The following GZF1 variants were observed in gnomAD, a reference collection of about 807,000 sequenced individuals.
The protein encoded by GZF1 is GDNF-inducible zinc finger protein 1.
Under a neutral mutation model 49.4 loss-of-function variants are expected in GZF1, and 28 were observed. The ratio of observed to expected loss-of-function variants is 0.57; its 90% CI spans 0.42 to 0.78. The LOEUF is 0.78. Among genes scored for constraint, GZF1 ranks in the 30% least tolerant of loss-of-function variants. The pLI, the probability that GZF1 is intolerant of heterozygous loss-of-function variation, is 0.00. For synonymous variants in GZF1, 364 were observed against 356.0 expected, an observed-to-expected ratio of 1.02 and a Z score of -0.25; for missense variants, 798 against 916.2, an observed-to-expected ratio of 0.87 and a Z score of 1.67.
Position 23,368,752 on chromosome 20 carries a change from T to C in GZF1, c.1460-10T>C. 1 of 1,595,194 alleles carries C rather than the reference T, an allele frequency of 6.3e-7. No individual in the cohort carries two copies. The highest frequency in any genetic ancestry group is 2.2e-5 in the East Asian group (1 of 44,516). ...TATTGTTTATGACTTTATTTCATTT[T>C]CTCATGTAGGTGAAAGACCTTTTAT... On this transcript the variant is annotated splice_polypyrimidine_tract_variant and intron_variant, in intron 3 of 5. Transcript: ENST00000338121.
In GZF1 at chr20:23,365,097, G is replaced by C. The variant is rs763013623; in HGVS notation, c.714G>C (p.Lys238Asn). The change falls in exon 2 of 6, where the codon AAG becomes AAC. Residue 238 changes from lysine to asparagine, a missense_variant. This residue lies in a region of GZF1 where 247 missense variants were observed against 228.5 expected (regional missense o/e 1.08). Coordinates refer to ENST00000338121, the MANE Select transcript of GZF1 (RefSeq NM_022482.5). ...GRKVFVEIPK[K>N]KYTRRLREQQ... Reference sequence around the variant, plus strand: ...AGGTCTTTGTGGAGATCCCTAAAAAGAAATATACGAGAAGACTCCGAGAGC... The same window carrying C: ...AGGTCTTTGTGGAGATCCCTAAAAACAAATATACGAGAAGACTCCGAGAGC... 2 of 1,614,008 alleles carry C rather than the reference G, an allele frequency of 1.2e-6. No individual in the cohort carries two copies. Among genetic ancestry groups the C allele is most frequent in the Non-Finnish European group, 8.5e-7 (1 of 1,180,032 alleles).
rs372760791 is a variant in GZF1, at chr20:23,364,510, C to T, written c.127C>T (p.Arg43Cys). ...VTVSVEYQGV[R>C]KDFMAHKAVL... ...AGTCAGCGTGGAGTATCAGGGTGTC[C>T]GCAAAGACTTCATGGCCCACAAGGC... Residue 43 changes from arginine (R) to cysteine (C), a missense_variant, in exon 2 of 6, where the codon CGC becomes TGC. Coordinates refer to ENST00000338121, the MANE Select transcript of GZF1 (RefSeq NM_022482.5). The T allele has an allele frequency of 3.1e-5, 50 of 1,614,054 alleles. No individual in the cohort carries two copies. The highest frequency in any genetic ancestry group is 2.5e-4 in the Admixed American group (15 of 60,002).
Position 23,370,475 on chromosome 20 carries a change from G to A in GZF1, c.*34G>A, listed in dbSNP as rs45627531. The A allele has an allele frequency of 3.4e-3, 4,531 of 1,327,720 alleles. 15 individuals are homozygous for A. The highest frequency in any genetic ancestry group is 4.3e-3 in the Non-Finnish European group (3,978 of 929,870). The allele number at this position is 1,327,720 out of a possible 1,614,324, so 82.2% of individuals were successfully genotyped here. The stretch of plus-strand genomic sequence containing the variant: ...AGCAGTTCCCATCCTGTTAGTCTGC[G>A]TGTGTGGTAGCTGAACTCAAGATGA... On this transcript the variant is annotated 3_prime_UTR_variant, in exon 6 of 6. Coordinates refer to ENST00000338121, the MANE Select transcript of GZF1 (RefSeq NM_022482.5).
In GZF1 at chr20:23,368,802, T is replaced by G. The variant is rs1981712112; in HGVS notation, c.1500T>G (p.Phe500Leu). ...TGTGTGAAACATGTGGCAAGAGTTT[T>G]GCTTCTAAGGAGTACTTAAAACACC... ...PFMCETCGKS[F>L]ASKEYLKHHN... The change falls in exon 4 of 6, where the codon TTT becomes TTG. Residue 500 changes from phenylalanine to leucine, a missense_variant. Physicochemically the swap from Phe to Leu is conservative, Grantham distance 22. Coordinates refer to ENST00000338121, the MANE Select transcript of GZF1 (RefSeq NM_022482.5). 1 of 1,611,478 alleles carries G rather than the reference T, an allele frequency of 6.2e-7. No homozygotes were observed. Among genetic ancestry groups the G allele is most frequent in the South Asian group, 1.1e-5 (1 of 90,352 alleles).
At chr20:23,369,485 C>A in intron 4 of GZF1, 99 bp from the exon 5 acceptor site, 2 of 1,089,598 alleles carry the variant, frequency 1.8e-6, no homozygotes, top group Non-Finnish European at 2.6e-6. Flanking sequence ...TGAGGCTTCC[C>A]AGTGGTTTGC....
rs766007426 is a variant in GZF1 at position 23,365,304 on chromosome 20, C to T, written c.921C>T (p.Asp307=). The change falls in exon 2 of 6, where the codon GAC becomes GAT. Residue 307 remains aspartate (D), a synonymous_variant. Coordinates refer to ENST00000338121, the MANE Select transcript of GZF1 (RefSeq NM_022482.5). ...AGGAAGAGGAGGAGGAGGAGGAGGA[C>T]GAAGAAGGGGAGAAGAAGAAGAGCA... The part of the protein sequence containing the change: ...PEEEEEEEEE[D]EEGEKKKSNF... The T allele has an allele frequency of 4.9e-5, 79 of 1,605,870 alleles. No homozygotes were observed. The highest frequency in any genetic ancestry group is 6.6e-5 in the Non-Finnish European group (78 of 1,175,102).
In GZF1 at chr20:23,370,189, G is replaced by T. The variant is rs1981926587; in HGVS notation, c.1884G>T (p.Glu628Asp). Reference protein sequence around the residue: ...DGHKTEQPDEEYVSSKLSDKL... With the variant: ...DGHKTEQPDEDYVSSKLSDKL... ...ACAAGACTGAACAGCCTGACGAAGAGTATGTGTCATCCAAGCTTTCGGATA... is the reference window on the plus strand; with the variant it reads ...ACAAGACTGAACAGCCTGACGAAGATTATGTGTCATCCAAGCTTTCGGATA... The change falls in exon 6 of 6, where the codon GAG becomes GAT. Residue 628 changes from glutamate to aspartate, a missense_variant. By Grantham distance (45) the Glu-to-Asp change is conservative. This residue lies in a region of GZF1 where 446 missense variants were observed against 540.1 expected (regional missense o/e 0.83). Coordinates refer to ENST00000338121, the MANE Select transcript of GZF1 (RefSeq NM_022482.5). 6.2e-7 allele frequency: 1 copy of T among 1,614,212 alleles called. No individual in the cohort carries two copies. The highest frequency in any genetic ancestry group is 8.5e-7 in the Non-Finnish European group (1 of 1,180,042).
upstream of GZF1, among the ~76,000 whole-genome samples, chr20:23,362,021 C>G (rs1457274824): frequency 6.6e-6 from 1 of 152,196 alleles, no homozygotes; most frequent in Non-Finnish European, 1.5e-5. Flanking sequence ...GTCGCGCGGC[C>G]AGATCAGGTA....
At position 23,371,923 on chromosome 20, in the gene GZF1, G is replaced by C. The variant is rs1257398729; in HGVS notation, c.*1482G>C. Reference sequence around the variant, plus strand: ...AGTGCTTATGTTTTAACTTATGTTAGTGAAACCACTACAAGGTGTTTCAGG... The same window carrying C: ...AGTGCTTATGTTTTAACTTATGTTACTGAAACCACTACAAGGTGTTTCAGG... On this transcript the variant is annotated 3_prime_UTR_variant, in exon 6 of 6. Transcript: ENST00000338121. The C allele has an allele frequency of 6.6e-6, 1 of 152,526 alleles. No homozygotes were observed. The highest frequency in any genetic ancestry group is 2.1e-4 in the South Asian group (1 of 4,830). The allele number at this position is 152,526 out of a possible 1,614,324, so 9.4% of individuals were successfully genotyped here.
At chr20:23,368,531 T>C (rs964077280) in intron 3 of GZF1, among the ~76,000 whole-genome samples, 2 of 152,266 alleles carry the variant, frequency 1.3e-5, no homozygotes, top group Non-Finnish European at 2.9e-5. Context: ...TCTTTGATTC[T>C]AGTCAAATGG....
intron 2 of GZF1, among the ~76,000 whole-genome samples, 191 bp from the exon 3 acceptor site, chr20:23,366,812 G>A (rs1390035454): frequency 6.6e-6 from 1 of 152,228 alleles, no homozygotes; most frequent in Admixed American, 6.5e-5. Context: ...TGGAAAATGT[G>A]TGGATCCATT....
rs770445391 is a variant in GZF1, at chr20:23,365,364, G to C, written c.981G>C (p.Leu327=). ...FKCSICEKAF[L]YEKSFLKHSK... is the part of the protein sequence containing the mutation. The stretch of plus-strand genomic sequence containing the variant: ...GCAGCATTTGCGAGAAGGCGTTTCT[G>C]TATGAGAAGAGCTTCCTGAAGCACA... The change falls in exon 2 of 6, where the codon CTG becomes CTC. Residue 327 remains leucine (L), a synonymous_variant. Transcript: ENST00000338121. 6.2e-7 allele frequency: 1 copy of C among 1,613,254 alleles called. No homozygotes were observed. Among genetic ancestry groups the C allele is most frequent in the South Asian group, 1.1e-5 (1 of 91,016 alleles).
intron 2 of GZF1, among the ~76,000 whole-genome samples, 188 bp from the exon 3 acceptor site, chr20:23,366,815 G>A (rs1161740634): frequency 6.6e-6 from 1 of 152,224 alleles, no homozygotes; most frequent in Non-Finnish European, 1.5e-5. Flanking sequence ...AAAATGTGTG[G>A]ATCCATTGAC....
At position 23,370,573 on chromosome 20, in the gene GZF1, C is replaced by A; in HGVS notation, c.*132C>A. On this transcript the variant is annotated 3_prime_UTR_variant, in exon 6 of 6. Coordinates refer to ENST00000338121, the MANE Select transcript of GZF1 (RefSeq NM_022482.5). ...AATGGCCTCTGCAGATTTTCCTGAA[C>A]TTCTGCTAACTTGCACGGCTTTATC... 1.5e-6 allele frequency: 1 copy of A among 658,512 alleles called. No homozygotes were observed. Among genetic ancestry groups the A allele is most frequent in the Non-Finnish European group, 2.7e-6 (1 of 376,796 alleles). 40.8% of individuals were successfully genotyped at this position (658,512 alleles called of 1,614,324 possible). A position where few individuals can be genotyped will look rare whatever the true frequency, so the allele number is the denominator to read the frequency against.
Position 23,369,959 on chromosome 20 carries a change from C to A in GZF1, c.1786-132C>A, listed in dbSNP as rs1981881127. On this transcript the variant is annotated intron_variant, in intron 5 of 5. Coordinates refer to ENST00000338121, the MANE Select transcript of GZF1 (RefSeq NM_022482.5). The stretch of plus-strand genomic sequence containing the variant: ...ACCATCCACGATGACTACTCTGTAA[C>A]AGTGAGGGTGGTGGCAGGCGGGTAC... 5 of 907,298 alleles carry A rather than the reference C, an allele frequency of 5.5e-6. No homozygotes were observed. In the Admixed American group the frequency reaches 1.2e-4, roughly 21 times the overall value. The allele number at this position is 907,298 out of a possible 1,614,324, so 56.2% of individuals were successfully genotyped here.
At position 23,365,207 on chromosome 20, in the gene GZF1, A is replaced by C. The variant is rs6048760; in HGVS notation, c.824A>C (p.Gln275Pro). The C allele has an allele frequency of 0.49, 780,253 of 1,602,336 alleles. 198,766 individuals carry two copies. The highest frequency in any genetic ancestry group is 0.88 in the East Asian group (39,423 of 44,684). Residue 275 changes from glutamine to proline, a missense_variant, in exon 2 of 6, where the codon CAG (glutamine) becomes CCG (proline). Physicochemically the swap from Gln to Pro is moderately conservative, Grantham distance 76. Coordinates refer to ENST00000338121, the MANE Select transcript of GZF1 (RefSeq NM_022482.5). The stretch of plus-strand genomic sequence containing the variant: ...GACAGGGTGGGCACGGAGATGGAGC[A>C]GGTTTCCAAAAATGAGGGTTGCCAG... ...SPDRVGTEME[Q>P]VSKNEGCQAG...
chr20:23,372,784 A>G lies in GZF1; in HGVS notation c.*2343A>G, dbSNP rs1256757490. ...CAGTGCCTCTCCCAGAGCCTCAAGA[A>G]GGGCCATTTAGGAGCTTGCTTCAAC... On this transcript the variant is annotated 3_prime_UTR_variant, in exon 6 of 6. Transcript: ENST00000338121. 6.6e-6 allele frequency: 1 copy of G among 152,212 alleles called. No individual in the cohort carries two copies. The highest frequency in any genetic ancestry group is 1.5e-5 in the Non-Finnish European group (1 of 68,048). 9.4% of individuals were successfully genotyped at this position (152,212 alleles called of 1,614,324 possible). A position where few individuals can be genotyped will look rare whatever the true frequency, so the allele number is the denominator to read the frequency against.
At position 23,365,278 on chromosome 20, in the gene GZF1, G is replaced by A; in HGVS notation, c.895G>A (p.Glu299Lys). The change falls in exon 2 of 6, where the codon GAG (glutamate) becomes AAG (lysine). Residue 299 changes from glutamate to lysine, a missense_variant. By Grantham distance (56) the Glu-to-Lys change is moderately conservative. Around this residue, in one of 3 missense-constraint regions of GZF1, gnomAD observed 247 missense variants for 228.5 expected, o/e 1.08. Coordinates refer to ENST00000338121, the MANE Select transcript of GZF1 (RefSeq NM_022482.5). ...EELSKKAGPE[E>K]EEEEEEEDEE... ...ATTGTCAAAGAAAGCAGGGCCGGAG[G>A]AGGAAGAGGAGGAGGAGGAGGAGGA... 3 of 1,606,866 alleles carry A rather than the reference G, an allele frequency of 1.9e-6. No homozygotes were observed. The highest frequency in any genetic ancestry group is 2.6e-6 in the Non-Finnish European group (3 of 1,176,246).
rs12349 is a variant in GZF1, at chr20:23,371,843, A to G, written c.*1402A>G. On this transcript the variant is annotated 3_prime_UTR_variant, in exon 6 of 6. Transcript: ENST00000338121. ...AAGAGGAAGGTACTTTAAGTTCCAGAATGAACATGTAGCTGCACTATGCCA... is the reference window on the plus strand; with the variant it reads ...AAGAGGAAGGTACTTTAAGTTCCAGGATGAACATGTAGCTGCACTATGCCA... 0.59 allele frequency: 89,174 copies of G among 152,108 alleles called. 28,626 individuals are homozygous for G. The highest frequency in any genetic ancestry group is 0.88 in the East Asian group (4,574 of 5,182). 9.4% of individuals were successfully genotyped at this position (152,108 alleles called of 1,614,324 possible).
Sources: gnomAD v4.1 joint callset for allele counts (sites outside exome capture counted in the v4.1 genomes callset) on GRCh38, gnomAD v4.1.1 for gene constraint, gnomAD v4.1.1 regional missense constraint, MANE v1.5 for transcripts, NCBI Gene and HGNC (gene_info 2026-07-23, HGNC 2026-07-21) for gene names.